ADISSP: variants seen among roughly 807,000 people sequenced by gnomAD.
ADISSP encodes adipose secreted signaling protein, also known as adipose-secreted signaling protein.
chr20:3,755,220 T>C, the ADISSP span, among the ~76,000 whole-genome samples: 7,907 of 152,162 alleles, frequency 0.052, 355 homozygotes, highest in African/African-American at 0.12. Context: ...CCCATCTTGG[T>C]TACTGCCCCA....
chr20:3,763,427 G>A, the ADISSP span, among the ~76,000 whole-genome samples: 6 of 149,910 alleles, frequency 4.0e-5, no homozygotes, highest in African/African-American at 1.5e-4. Context: ...GCGTGGTGGC[G>A]CATGCCTGTA....
At chr20:3,755,665 AC>A in the ADISSP span, 3 of 1,506,306 alleles carry the variant, frequency 2.0e-6, no homozygotes, top group Non-Finnish European at 2.7e-6. Context: ...CCGCAGGCCC[AC>A]CCAGTTGTGC....
chr20:3,754,274 G>A, the ADISSP span: 1 of 1,478,454 alleles, frequency 6.8e-7, no homozygotes, highest in East Asian at 2.3e-5. Flanking sequence ...ACCTGCCAAG[G>A]AGGTTGAGAA....
the ADISSP span, among the ~76,000 whole-genome samples, chr20:3,766,546 A>G: frequency 6.0e-4 from 92 of 152,066 alleles, 1 homozygote; most frequent in African/African-American, 2.2e-3. Flanking sequence ...CATTCTCCCC[A>G]CTTTGCCCTC....
chr20:3,766,100 C>T, the ADISSP span, among the ~76,000 whole-genome samples: 1 of 152,212 alleles, frequency 6.6e-6, no homozygotes, highest in East Asian at 1.9e-4. Context: ...CAACCTTCCA[C>T]CCTCCCTACC....
At chr20:3,767,826 G>T in the ADISSP span, 1 of 152,164 alleles carries the variant, frequency 6.6e-6, no homozygotes, top group Non-Finnish European at 1.5e-5. Flanking sequence ...GGAGGGTGGG[G>T]CGAGGGACGC....
At chr20:3,765,892 C>CA in the ADISSP span, among the ~76,000 whole-genome samples, 1 of 151,794 alleles carries the variant, frequency 6.6e-6, no homozygotes, top group Non-Finnish European at 1.5e-5. Flanking sequence ...TCCCCGCCAG[C>CA]AAAAAAAATT....
At chr20:3,754,030 G>A in the ADISSP span, 25 of 1,553,636 alleles carry the variant, frequency 1.6e-5, no homozygotes, top group East Asian at 4.5e-5. Context: ...TAAGGCTGAG[G>A]GGCCCGGGGC....
the ADISSP span, chr20:3,755,370 G>T: frequency 8.6e-7 from 1 of 1,168,330 alleles, no homozygotes; most frequent in South Asian, 1.3e-5. Flanking sequence ...CCACATCCCC[G>T]ACTTGCTGAG....
chr20:3,761,358 G>A, the ADISSP span, among the ~76,000 whole-genome samples: 8 of 148,998 alleles, frequency 5.4e-5, no homozygotes, highest in Non-Finnish European at 1.0e-4. Flanking sequence ...TTTCTGAGAC[G>A]GAGTTTCACT....
the ADISSP span, among the ~76,000 whole-genome samples, chr20:3,754,685 G>C: frequency 6.6e-6 from 1 of 152,196 alleles, no homozygotes; most frequent in Admixed American, 6.5e-5. Flanking sequence ...ATTCCCCCTA[G>C]CAGGGGTGCA....
chr20:3,755,422 T>A, the ADISSP span: 1 of 1,581,384 alleles, frequency 6.3e-7, no homozygotes, highest in Non-Finnish European at 8.6e-7. Context: ...GCACCCCATG[T>A]TCTCACTCCC....
At chr20:3,758,769 G>A in the ADISSP span, 10 of 1,245,896 alleles carry the variant, frequency 8.0e-6, no homozygotes, top group East Asian at 2.2e-4. The surrounding 1 kb of genome is among the most constrained non-coding windows in gnomAD (Gnocchi z 5.5). Context: ...GACTGCCCTT[G>A]ACATCATCCA....
chr20:3,760,441 A>C, the ADISSP span, among the ~76,000 whole-genome samples: 1 of 152,184 alleles, frequency 6.6e-6, no homozygotes, highest in Non-Finnish European at 1.5e-5. Flanking sequence ...TGCAGCTTCT[A>C]GGTGCCAAAG....
chr20:3,760,148 C>T, the ADISSP span: 1 of 1,476,602 alleles, frequency 6.8e-7, no homozygotes, highest in Non-Finnish European at 9.4e-7. Context: ...GCCACTCACG[C>T]TCAGCAGCCT....
At chr20:3,753,558 G>A in the ADISSP span, 6 of 161,914 alleles carry the variant, frequency 3.7e-5, no homozygotes, top group South Asian at 3.3e-4. Flanking sequence ...CCAACCAGTC[G>A]CTTAAAAACC....
At chr20:3,761,030 C>T in the ADISSP span, among the ~76,000 whole-genome samples, 2 of 152,242 alleles carry the variant, frequency 1.3e-5, no homozygotes, top group East Asian at 3.8e-4. Flanking sequence ...TTTGTCACCA[C>T]TGACGGTAGC....
chr20:3,763,974 C>G, the ADISSP span, among the ~76,000 whole-genome samples: 18,161 of 152,216 alleles, frequency 0.12, 1,163 homozygotes, highest in South Asian at 0.15. Flanking sequence ...CAGCAACCCC[C>G]TCTTGGAGGT....
At chr20:3,760,045 G>C in the ADISSP span, 2 of 1,613,248 alleles carry the variant, frequency 1.2e-6, no homozygotes, top group Non-Finnish European at 1.7e-6. Flanking sequence ...CACCGGAAGA[G>C]CTTGTGCAAG....
Sources: gnomAD v4.1 joint callset for allele counts (sites outside exome capture counted in the v4.1 genomes callset) on GRCh38, gnomAD v4.1.1 for gene constraint, Gnocchi (gnomAD v3.1) non-coding constraint, MANE v1.5 for transcripts, NCBI Gene and HGNC (gene_info 2026-07-23, HGNC 2026-07-21) for gene names.